RNF220: variants seen among roughly 807,000 people sequenced by gnomAD.
RNF220 encodes ring finger protein 220.
In RNF220, 7 loss-of-function variants were observed where a neutral mutation model predicts 67.1. That is an observed-to-expected ratio of 0.10 (90% CI 0.06 to 0.20). The LOEUF is 0.20. Among genes scored for constraint, RNF220 ranks in the 10% least tolerant of loss-of-function variants. The pLI, the probability that RNF220 is intolerant of heterozygous loss-of-function variation, is 1.00. For missense variants in RNF220, 565 were observed against 740.3 expected, an observed-to-expected ratio of 0.76 and a Z score of 2.75; for synonymous variants, 270 against 283.2, an observed-to-expected ratio of 0.95 and a Z score of 0.47.
intron 2 of RNF220, among the ~76,000 whole-genome samples, chr1:44,512,872 G>A (rs769554700): frequency 4.6e-5 from 7 of 152,136 alleles, no homozygotes; most frequent in African/African-American, 1.2e-4. Context: ...CAGTGAGCTC[G>A]GTGGCTCCTG....
At chr1:44,488,849 C>A (rs1656596406) in intron 2 of RNF220, among the ~76,000 whole-genome samples, 1 of 151,216 alleles carries the variant, frequency 6.6e-6, no homozygotes, top group African/African-American at 2.4e-5. Flanking sequence ...TCTGCCTCAG[C>A]CTCCCAAGTA....
At chr1:44,448,462 G>A (rs1652330870) in intron 2 of RNF220, among the ~76,000 whole-genome samples, 1 of 152,216 alleles carries the variant, frequency 6.6e-6, no homozygotes, top group Admixed American at 6.5e-5. Context: ...GCAATATCAT[G>A]TGGCACAAGC....
intron 2 of RNF220, among the ~76,000 whole-genome samples, chr1:44,516,959 C>T (rs1052839990): frequency 6.6e-6 from 1 of 152,038 alleles, no homozygotes; most frequent in Non-Finnish European, 1.5e-5. Context: ...CAAAACTGTT[C>T]CCTCTCCCCT....
chr1:44,476,223 C>G (rs1655288908), intron 2 of RNF220, among the ~76,000 whole-genome samples: 1 of 151,832 alleles, frequency 6.6e-6, no homozygotes, highest in African/African-American at 2.4e-5. Context: ...GACTTGGGGT[C>G]CAGAAGGAGC....
At chr1:44,595,274 C>T (rs1046658336) in intron 2 of RNF220, among the ~76,000 whole-genome samples, 2 of 152,168 alleles carry the variant, frequency 1.3e-5, no homozygotes, top group African/African-American at 4.8e-5. Context: ...GCTCCGGGGC[C>T]CCTGCCTAAC....
chr1:44,596,582 T>C (rs925718415), intron 2 of RNF220, among the ~76,000 whole-genome samples: 1 of 151,096 alleles, frequency 6.6e-6, no homozygotes, highest in African/African-American at 2.4e-5. Flanking sequence ...AATAGTACAG[T>C]GCTTTGCACA....
At chr1:44,517,111 C>T (rs34678898) in intron 2 of RNF220, among the ~76,000 whole-genome samples, 14,629 of 152,188 alleles carry the variant, frequency 0.096, 764 homozygotes, top group Middle Eastern at 0.13. Flanking sequence ...TGCCTGGCAC[C>T]GCCCAAAATC....
intron 2 of RNF220, among the ~76,000 whole-genome samples, chr1:44,479,663 C>A (rs754537447): frequency 6.6e-6 from 1 of 152,088 alleles, no homozygotes; most frequent in South Asian, 2.1e-4. Flanking sequence ...TCGTTCTTGC[C>A]GCACTCTGGA....
intron 2 of RNF220, among the ~76,000 whole-genome samples, chr1:44,529,114 T>G (rs1351345060): frequency 6.6e-6 from 1 of 152,184 alleles, no homozygotes; most frequent in Non-Finnish European, 1.5e-5. Flanking sequence ...AGAAAATAAT[T>G]AGATATGTGG....
At chr1:44,513,953 A>G (rs976058829) in intron 2 of RNF220, among the ~76,000 whole-genome samples, 12 of 152,278 alleles carry the variant, frequency 7.9e-5, no homozygotes, top group African/African-American at 2.4e-4. Context: ...GAAAGAGCCT[A>G]AGAGAAGAAG....
intron 2 of RNF220, among the ~76,000 whole-genome samples, chr1:44,514,006 T>A (rs1435630636): frequency 2.0e-5 from 3 of 152,240 alleles, no homozygotes; most frequent in Non-Finnish European, 4.4e-5. Context: ...CCACCCTTCA[T>A]AGTATCACCA....
chr1:44,429,852 G>A (rs960084359), intron 2 of RNF220, among the ~76,000 whole-genome samples: 16 of 152,048 alleles, frequency 1.1e-4, no homozygotes, highest in Non-Finnish European at 2.9e-5. Context: ...TCCTTTGATG[G>A]GATTCAACTT....
chr1:44,488,662 A>T (rs1325210842), intron 2 of RNF220, among the ~76,000 whole-genome samples: 4 of 151,916 alleles, frequency 2.6e-5, no homozygotes, highest in Non-Finnish European at 5.9e-5. Flanking sequence ...ATGACTCAGT[A>T]CACATGAACA....
At chr1:44,614,412 C>G in intron 3 of RNF220, 115 bp downstream of exon 3, 4 of 1,125,746 alleles carry the variant, frequency 3.6e-6, no homozygotes, top group Non-Finnish European at 1.3e-6. Flanking sequence ...AAAGACAGGA[C>G]CCTGCCACCC....
At chr1:44,520,120 TGTGTGTGTGA>T (rs1250413160) in intron 2 of RNF220, among the ~76,000 whole-genome samples, 94 of 141,888 alleles carry the variant, frequency 6.6e-4, no homozygotes, top group South Asian at 4.5e-3. Flanking sequence ...TGTGTGTGTG[TGTGTGTGTGA>T]GAGAGAGAGA....
intron 2 of RNF220, among the ~76,000 whole-genome samples, chr1:44,538,320 G>T (rs1016407971): frequency 1.3e-5 from 2 of 152,064 alleles, no homozygotes; most frequent in Non-Finnish European, 2.9e-5. Flanking sequence ...CCCTATAAAT[G>T]TTTTTTTAAT....
chr1:44,564,222 T>G (rs1663807108), intron 2 of RNF220, among the ~76,000 whole-genome samples: 2 of 152,206 alleles, frequency 1.3e-5, no homozygotes, highest in South Asian at 4.1e-4. Context: ...TTCTACCTTG[T>G]CACTGCCACC....
chr1:44,517,749 A>G (rs1030209434), intron 2 of RNF220, among the ~76,000 whole-genome samples: 12 of 152,250 alleles, frequency 7.9e-5, no homozygotes, highest in Admixed American at 4.6e-4. Context: ...AATACATTAC[A>G]TATTTTTGTT....
At chr1:44,543,982 G>T (rs1201338013) in intron 2 of RNF220, among the ~76,000 whole-genome samples, 1 of 152,200 alleles carries the variant, frequency 6.6e-6, no homozygotes, top group Non-Finnish European at 1.5e-5. Flanking sequence ...ATGCCCAGTT[G>T]CCCGGAACTG....
Sources: gnomAD v4.1 joint callset for allele counts (sites outside exome capture counted in the v4.1 genomes callset) on GRCh38, gnomAD v4.1.1 for gene constraint, MANE v1.5 for transcripts, NCBI Gene and HGNC (gene_info 2026-07-23, HGNC 2026-07-21) for gene names.